The following NAALADL2 variants were observed in gnomAD, a reference collection of about 807,000 sequenced individuals.
The protein encoded by NAALADL2 is N-acetylated alpha-linked acidic dipeptidase like 2.
NAALADL2 carries 76 observed loss-of-function variants against 87.2 expected under a neutral mutation model. The observed-to-expected ratio is 0.87, with a 90% CI of 0.72 to 1.05. NAALADL2 has a LOEUF of 1.05. Among genes scored for constraint, NAALADL2 ranks in the 50% least tolerant of loss-of-function variants. NAALADL2 has a pLI of 0.00. For missense variants in NAALADL2, 1,089 were observed against 945.8 expected (o/e 1.15, Z -1.99); for synonymous variants, 354 against 331.0 (o/e 1.07, Z -0.75).
At chr3:175,668,138 A>G (rs1387376446) in intron 11 of NAALADL2, among the ~76,000 whole-genome samples, 2 of 152,162 alleles carry the variant, frequency 1.3e-5, no homozygotes, top group Non-Finnish European at 2.9e-5. Flanking sequence ...GTTGGAGTTT[A>G]TTATTCTAAT....
At chr3:175,542,534 T>G (rs1712540575) in intron 9 of NAALADL2, among the ~76,000 whole-genome samples, 1 of 152,116 alleles carries the variant, frequency 6.6e-6, no homozygotes, top group African/African-American at 2.4e-5. Flanking sequence ...CGTATTTTCT[T>G]TTTTTAGTAG....
chr3:175,013,482 A>G (rs1750425546), intron 1 of NAALADL2, among the ~76,000 whole-genome samples: 2 of 150,338 alleles, frequency 1.3e-5, no homozygotes, highest in Non-Finnish European at 3.0e-5. Flanking sequence ...TAGTTTTAGT[A>G]GAGAAAAGAT....
chr3:175,187,845 A>C (rs1305438698), intron 2 of NAALADL2, among the ~76,000 whole-genome samples: 1 of 152,206 alleles, frequency 6.6e-6, no homozygotes, highest in Non-Finnish European at 1.5e-5. Context: ...ATGAGTGAAC[A>C]TGATCCTTGC....
At chr3:175,766,592 G>A (rs1748711835) in intron 13 of NAALADL2, among the ~76,000 whole-genome samples, 1 of 152,130 alleles carries the variant, frequency 6.6e-6, no homozygotes, top group Non-Finnish European at 1.5e-5. Flanking sequence ...GGTTCCCTAT[G>A]AAATCATGTT....
chr3:175,405,319 G>T (rs951110080), intron 5 of NAALADL2, among the ~76,000 whole-genome samples: 4 of 151,994 alleles, frequency 2.6e-5, no homozygotes, highest in African/African-American at 9.7e-5. Context: ...TGGTGTTCAG[G>T]TAGATACATG....
At chr3:175,585,086 A>G (rs1274094945) in intron 10 of NAALADL2, among the ~76,000 whole-genome samples, 1 of 151,934 alleles carries the variant, frequency 6.6e-6, no homozygotes, top group Non-Finnish European at 1.5e-5. Context: ...ATAGAGCTGT[A>G]GAAAAATATT....
intron 2 of NAALADL2, among the ~76,000 whole-genome samples, chr3:175,148,299 G>T (rs1231821566): frequency 2.0e-5 from 3 of 151,484 alleles, no homozygotes; most frequent in East Asian, 1.9e-4. Context: ...GGGGTTATTG[G>T]TTTTTTGCTG....
intron 1 of NAALADL2, among the ~76,000 whole-genome samples, chr3:174,545,999 G>T (rs1043812450): frequency 3.4e-5 from 5 of 149,036 alleles, no homozygotes; most frequent in Admixed American, 2.0e-4. Context: ...TTTTCTGCTT[G>T]TTTTTTTTGG....
chr3:175,558,149 C>A (rs915372224), intron 9 of NAALADL2, among the ~76,000 whole-genome samples: 6 of 133,312 alleles, frequency 4.5e-5, no homozygotes, highest in African/African-American at 1.4e-4. Context: ...GAGCTGAGAT[C>A]ACGCCACTGC....
intron 1 of NAALADL2, among the ~76,000 whole-genome samples, chr3:174,941,147 G>A (rs1738520139): frequency 6.6e-6 from 1 of 151,994 alleles, no homozygotes; most frequent in Non-Finnish European, 1.5e-5. Flanking sequence ...TTAATGCTAT[G>A]AATTTCCCCT....
intron 5 of NAALADL2, among the ~76,000 whole-genome samples, chr3:175,412,489 T>A (rs1713719284): frequency 6.6e-6 from 1 of 152,200 alleles, no homozygotes; most frequent in Non-Finnish European, 1.5e-5. Context: ...TGAGTGGTAC[T>A]CTTGCCTGTT....
chr3:174,491,374 G>A (rs750267549), intron 1 of NAALADL2, among the ~76,000 whole-genome samples: 2 of 152,112 alleles, frequency 1.3e-5, no homozygotes, highest in Non-Finnish European at 2.9e-5. Flanking sequence ...AGTAGTCAAA[G>A]CTTCCACTTA....
At chr3:175,233,218 A>G (rs1013600887) in intron 2 of NAALADL2, among the ~76,000 whole-genome samples, 1 of 152,212 alleles carries the variant, frequency 6.6e-6, no homozygotes, top group African/African-American at 2.4e-5. Context: ...TTAAATAGCA[A>G]TAACTATATG....
rs769769844 is a variant in NAALADL2 at position 175,446,387 on chromosome 3, G to A, written c.1091-842G>A. Among the ~76,000 whole-genome samples, 15 of 152,018 alleles carry A rather than the reference G, an allele frequency of 9.9e-5. No individual in the cohort carries two copies. In the East Asian group the frequency reaches 1.4e-3, roughly 14 times the overall value. ...CTCCTGAGTAGCCAAGATTACAGGC[G>A]TGCACCACCATACCCAGCTAATTTT... On this transcript the variant is annotated intron_variant, in intron 5 of 13. Coordinates refer to ENST00000454872, the MANE Select transcript of NAALADL2 (RefSeq NM_207015.3).
chr3:175,320,757 A>G (rs1270398719), intron 4 of NAALADL2, among the ~76,000 whole-genome samples: 1 of 152,128 alleles, frequency 6.6e-6, no homozygotes, highest in African/African-American at 2.4e-5. Flanking sequence ...AAATTCCTCG[A>G]CACATGCACT....
intron 1 of NAALADL2, among the ~76,000 whole-genome samples, chr3:174,949,480 T>C (rs1314209660): frequency 1.3e-5 from 2 of 152,318 alleles, no homozygotes; most frequent in Admixed American, 6.5e-5. Flanking sequence ...GCAGCCATCA[T>C]TGAAAAATAT....
At chr3:175,257,772 A>G (rs978968516) in intron 4 of NAALADL2, among the ~76,000 whole-genome samples, 2 of 152,170 alleles carry the variant, frequency 1.3e-5, no homozygotes, top group Admixed American at 1.3e-4. Flanking sequence ...ATCCTCATAA[A>G]TCAAAAAAAA....
intron 5 of NAALADL2, among the ~76,000 whole-genome samples, chr3:175,351,452 A>C (rs975706063): frequency 3.1e-5 from 4 of 127,258 alleles, no homozygotes; most frequent in African/African-American, 1.2e-4. Flanking sequence ...CGTCCAAACA[A>C]GTATTTTCCA....
chr3:175,162,063 C>A (rs989761122), intron 2 of NAALADL2, among the ~76,000 whole-genome samples: 5 of 152,084 alleles, frequency 3.3e-5, no homozygotes, highest in African/African-American at 1.2e-4. Flanking sequence ...CTATTCAGGA[C>A]TGTTAGATTT....
Sources: gnomAD v4.1 joint callset for allele counts (sites outside exome capture counted in the v4.1 genomes callset) on GRCh38, gnomAD v4.1.1 for gene constraint, MANE v1.5 for transcripts, NCBI Gene and HGNC (gene_info 2026-07-23, HGNC 2026-07-21) for gene names.